Variants in PRKCE observed in about 807,000 individuals in gnomAD.
PRKCE encodes protein kinase C epsilon type.
In PRKCE, 16 loss-of-function variants were observed where a neutral mutation model predicts 85.4. The ratio of observed to expected loss-of-function variants is 0.19; its 90% CI spans 0.13 to 0.28. PRKCE has a LOEUF of 0.28. Ranked by LOEUF, PRKCE falls within the 10% of genes least tolerant of loss-of-function variation. The pLI is 1.00. For missense variants in PRKCE, 573 were observed against 975.2 expected, an observed-to-expected ratio of 0.59 and a Z score of 5.49; for synonymous variants, 388 against 371.5, an observed-to-expected ratio of 1.04 and a Z score of -0.51.
chr2:46,145,077 C>T lies in PRKCE; in HGVS notation c.1593-16C>T. ...TGAGTGACGTATTGACATTATGGTC[C>T]TGGCCTATCTTGCAGGGATTTGAAA... On this transcript the variant is annotated splice_polypyrimidine_tract_variant and intron_variant, in intron 11 of 14. Transcript: ENST00000306156. The surrounding 1 kb of genome is among the most constrained non-coding windows in gnomAD (Gnocchi z 4.6). 6.3e-7 allele frequency: 1 copy of T among 1,599,660 alleles called. No homozygotes were observed. Among genetic ancestry groups the T allele is most frequent in the Non-Finnish European group, 8.5e-7 (1 of 1,179,914 alleles).
intron 11 of PRKCE, among the ~76,000 whole-genome samples, chr2:46,118,986 G>A (rs768728709): frequency 1.3e-5 from 2 of 152,134 alleles, no homozygotes; most frequent in Non-Finnish European, 2.9e-5. Context: ...AAGTAGAGGG[G>A]GAAGTGCACG....
intron 2 of PRKCE, among the ~76,000 whole-genome samples, chr2:45,903,003 A>T (rs1053592507): frequency 1.3e-5 from 2 of 152,114 alleles, no homozygotes; most frequent in Non-Finnish European, 2.9e-5. Context: ...GGAATTATGT[A>T]TTTTCCCCCC....
intron 11 of PRKCE, among the ~76,000 whole-genome samples, chr2:46,109,485 A>T (rs185847748): frequency 0.011 from 1,649 of 152,284 alleles, 38 homozygotes; most frequent in African/African-American, 0.037. Context: ...ATATATTTTT[A>T]AAAATTTCAA....
intron 11 of PRKCE, among the ~76,000 whole-genome samples, chr2:46,136,170 C>T (rs1281589503): frequency 6.6e-6 from 1 of 152,082 alleles, no homozygotes; most frequent in Non-Finnish European, 1.5e-5. Flanking sequence ...TTCTGCAGCA[C>T]TCAGGCCTGA....
intron 1 of PRKCE, among the ~76,000 whole-genome samples, chr2:45,809,950 C>A (rs541651354): frequency 6.6e-6 from 1 of 152,128 alleles, no homozygotes; most frequent in East Asian, 1.9e-4. Flanking sequence ...TAAAGGTCAC[C>A]TAGGCTCCTT....
At chr2:46,027,703 T>C (rs992772031) in intron 10 of PRKCE, among the ~76,000 whole-genome samples, 9 of 152,230 alleles carry the variant, frequency 5.9e-5, no homozygotes, top group Non-Finnish European at 1.2e-4. Context: ...CTGTGTATCA[T>C]TCTTTTGCCA....
chr2:45,805,203 T>C lies in PRKCE; in HGVS notation c.349-37797T>C, dbSNP rs1354333408. On this transcript the variant is annotated intron_variant, in intron 1 of 14. Transcript: ENST00000306156. The stretch of plus-strand genomic sequence containing the variant: ...GACACTATTACTACGATTCCTATCT[T>C]ACAGATGAGAAAACAGAGCCATAGA... Among the ~76,000 whole-genome samples the C allele has an allele frequency of 2.6e-5, 4 of 152,198 alleles. No homozygotes were observed. In the East Asian group the frequency reaches 7.7e-4, roughly 29 times the overall value.
intron 1 of PRKCE, among the ~76,000 whole-genome samples, chr2:45,817,066 A>AAT (rs3222884): frequency 2.9e-5 from 4 of 135,788 alleles, no homozygotes; most frequent in Non-Finnish European, 6.3e-5. Context: ...CTGTAAGTAG[A>AAT]GTGTGTGTGT....
chr2:45,928,926 G>A (rs1402773620), intron 2 of PRKCE, among the ~76,000 whole-genome samples: 3 of 152,294 alleles, frequency 2.0e-5, no homozygotes, highest in East Asian at 3.9e-4. Flanking sequence ...CTCTGTCAGC[G>A]CTGAGGTCCA....
intron 10 of PRKCE, among the ~76,000 whole-genome samples, chr2:46,079,510 T>C (rs1668867157): frequency 6.6e-6 from 1 of 152,202 alleles, no homozygotes; most frequent in Non-Finnish European, 1.5e-5. Flanking sequence ...TTAGATGATA[T>C]AGACATGGAG....
At chr2:46,182,672 GT>G (rs1680113803) in intron 14 of PRKCE, among the ~76,000 whole-genome samples, 1 of 152,168 alleles carries the variant, frequency 6.6e-6, no homozygotes, top group African/African-American at 2.4e-5. Context: ...AAATCAGTTT[GT>G]CCCTCCTCCG....
chr2:45,685,974 A>G (rs1427792440), intron 1 of PRKCE, among the ~76,000 whole-genome samples: 1 of 152,168 alleles, frequency 6.6e-6, no homozygotes, highest in East Asian at 1.9e-4. Flanking sequence ...TATTATTACT[A>G]TTTTAAAATT....
At chr2:46,063,070 A>G (rs1398423301) in intron 10 of PRKCE, among the ~76,000 whole-genome samples, 5 of 152,224 alleles carry the variant, frequency 3.3e-5, no homozygotes, top group Non-Finnish European at 5.9e-5. Flanking sequence ...TCTGCAGTCA[A>G]CTTGCTAAGT....
intron 2 of PRKCE, among the ~76,000 whole-genome samples, chr2:45,923,826 G>A (rs1408366685): frequency 6.6e-6 from 1 of 152,150 alleles, no homozygotes; most frequent in Admixed American, 6.5e-5. Flanking sequence ...GAGGAAACTC[G>A]AGCCAGGGAG....
intron 10 of PRKCE, among the ~76,000 whole-genome samples, chr2:46,046,373 C>T (rs1225822009): frequency 1.3e-5 from 2 of 152,202 alleles, no homozygotes; most frequent in Non-Finnish European, 2.9e-5. Context: ...TGCAGTGACA[C>T]CTAGCTCCAC....
chr2:45,843,162 A>G (rs2105488383), intron 2 of PRKCE, 99 bp downstream of exon 2: 4 of 1,025,276 alleles, frequency 3.9e-6, no homozygotes, highest in African/African-American at 3.2e-5. Context: ...TTATAGTGAC[A>G]TTTAATTAAT....
Position 45,760,940 on chromosome 2 carries a change from C to T in PRKCE, c.349-82060C>T, listed in dbSNP as rs186652634. Among the ~76,000 whole-genome samples the T allele has an allele frequency of 6.0e-4, 91 of 152,202 alleles. No individual in the cohort carries two copies. The East Asian group carries it at 0.015, about 26-fold the overall frequency. On this transcript the variant is annotated intron_variant, in intron 1 of 14. Transcript: ENST00000306156. ...TACCAAAACCCTTAGTATACTATTC[C>T]CTGGTTTATCTTAACTGGGGCATTA...
chr2:46,082,340 A>T (rs1311194261), intron 10 of PRKCE, among the ~76,000 whole-genome samples: 1 of 152,214 alleles, frequency 6.6e-6, no homozygotes, highest in Non-Finnish European at 1.5e-5. Context: ...ATGCAAAGAT[A>T]CGATAAGTAA....
chr2:46,047,583 G>A (rs894830687), intron 10 of PRKCE, among the ~76,000 whole-genome samples: 3 of 152,152 alleles, frequency 2.0e-5, no homozygotes, highest in South Asian at 2.1e-4. Context: ...AAACCTATTA[G>A]TTACATGTTA....
Sources: gnomAD v4.1 joint callset for allele counts (sites outside exome capture counted in the v4.1 genomes callset) on GRCh38, gnomAD v4.1.1 for gene constraint, Gnocchi (gnomAD v3.1) non-coding constraint, MANE v1.5 for transcripts, NCBI Gene and HGNC (gene_info 2026-07-23, HGNC 2026-07-21) for gene names.